Variants in THSD4 observed in about 807,000 individuals in gnomAD.
THSD4 encodes thrombospondin type 1 domain containing 4.
In THSD4, 69 loss-of-function variants were observed where a neutral mutation model predicts 119.0. The observed-to-expected ratio is 0.58, with a 90% confidence interval of 0.48 to 0.71. THSD4 has a LOEUF of 0.71. THSD4 is among the 30% of genes least tolerant of loss of function. The probability of loss-of-function intolerance (pLI) is 0.00; values close to 1 mark genes in which losing one functional copy is unlikely to be tolerated. For missense variants in THSD4, 1,393 were observed against 1,391.1 expected (o/e 1.00, Z -0.02); for synonymous variants, 524 against 540.4 (o/e 0.97, Z 0.42).
intron 8 of THSD4, among the ~76,000 whole-genome samples, chr15:71,677,875 T>G (rs1332612094): frequency 6.6e-6 from 1 of 152,216 alleles, no homozygotes; most frequent in Non-Finnish European, 1.5e-5. Context: ...ACACTTAATG[T>G]GATACTTTCC....
chr15:71,547,601 A>G (rs1043307751), intron 7 of THSD4: 2 of 1,168,010 alleles, frequency 1.7e-6, no homozygotes, highest in South Asian at 1.8e-5. Flanking sequence ...GTAATGCTTT[A>G]TATTACTTTT....
At chr15:71,336,645 G>A (rs1045177289) in intron 6 of THSD4, among the ~76,000 whole-genome samples, 1 of 152,124 alleles carries the variant, frequency 6.6e-6, no homozygotes, top group African/African-American at 2.4e-5. Flanking sequence ...TTCTGTAAGA[G>A]GTGCTTTCCA....
intron 7 of THSD4, among the ~76,000 whole-genome samples, chr15:71,555,538 T>C (rs2049003937): frequency 6.6e-6 from 1 of 152,246 alleles, no homozygotes; most frequent in African/African-American, 2.4e-5. Flanking sequence ...GCTTTGTGTA[T>C]CTTGAATATG....
chr15:71,519,362 T>C (rs574254971), intron 7 of THSD4, among the ~76,000 whole-genome samples: 1 of 152,270 alleles, frequency 6.6e-6, no homozygotes, highest in East Asian at 1.9e-4. Context: ...AATTGTTTTT[T>C]TCTTTTTCTT....
intron 10 of THSD4, among the ~76,000 whole-genome samples, chr15:71,735,315 C>T (rs1231170248): frequency 3.9e-5 from 6 of 152,164 alleles, no homozygotes; most frequent in Non-Finnish European, 8.8e-5. Context: ...CAGGCCCCCT[C>T]TCCCGCTGCA....
intron 6 of THSD4, among the ~76,000 whole-genome samples, chr15:71,272,981 A>G (rs753702962): frequency 2.6e-4 from 40 of 152,210 alleles, no homozygotes; most frequent in Non-Finnish European, 4.3e-4. Context: ...GGAAAACAGT[A>G]TGGAAGTTTC....
Position 71,463,867 on chromosome 15 carries a change from G to A in THSD4, c.1152+52044G>A, listed in dbSNP as rs552696624. Reference sequence around the variant, plus strand: ...CTCTGTACCATCCTTCTACCATCAGGATCATGTCTTTACATAATTCAAATC... The same window carrying A: ...CTCTGTACCATCCTTCTACCATCAGAATCATGTCTTTACATAATTCAAATC... On this transcript the variant is annotated intron_variant, in intron 7 of 17. Transcript: ENST00000261862. 3.9e-5 allele frequency among the ~76,000 whole-genome samples: 6 copies of A among 152,148 alleles called. No homozygotes were observed. In the South Asian group the frequency reaches 1.0e-3, roughly 26 times the overall value.
chr15:71,424,309 G>A (rs1399541509), intron 7 of THSD4, among the ~76,000 whole-genome samples: 1 of 152,144 alleles, frequency 6.6e-6, no homozygotes, highest in African/African-American at 2.4e-5. Flanking sequence ...CAAGAAGAAT[G>A]TGATGTCCTA....
chr15:71,480,370 T>G (rs1244330343), intron 7 of THSD4, among the ~76,000 whole-genome samples: 1 of 152,228 alleles, frequency 6.6e-6, no homozygotes, highest in Non-Finnish European at 1.5e-5. Context: ...ACATATCCCA[T>G]GTATATATAA....
At chr15:71,188,871 T>C (rs28542194) in intron 3 of THSD4, 26,281 of 152,478 alleles carry the variant, frequency 0.17, 2,308 homozygotes, top group Admixed American at 0.22. Context: ...CTTTCGGGAG[T>C]GAGTGACTCG....
chr15:71,601,168 G>C (rs188041057), intron 7 of THSD4, among the ~76,000 whole-genome samples: 8 of 152,294 alleles, frequency 5.3e-5, no homozygotes, highest in Admixed American at 2.6e-4. Context: ...TTTGAGTCCA[G>C]GCTCATGTGA....
chr15:71,620,744 T>C (rs1270555728), intron 7 of THSD4, among the ~76,000 whole-genome samples: 1 of 152,208 alleles, frequency 6.6e-6, no homozygotes, highest in Non-Finnish European at 1.5e-5. Flanking sequence ...ACATATCTGA[T>C]GCCATCCTTC....
chr15:71,744,315 C>A (rs189944953), intron 11 of THSD4, among the ~76,000 whole-genome samples: 1 of 152,240 alleles, frequency 6.6e-6, no homozygotes, highest in East Asian at 1.9e-4. Flanking sequence ...TCATTCAACA[C>A]GGTCATTTAT....
At chr15:71,668,305 C>T (rs1194498220) in intron 8 of THSD4, among the ~76,000 whole-genome samples, 1 of 152,098 alleles carries the variant, frequency 6.6e-6, no homozygotes, top group Non-Finnish European at 1.5e-5. Flanking sequence ...GAGCAAATAT[C>T]TTAACAGATT....
intron 7 of THSD4, among the ~76,000 whole-genome samples, chr15:71,550,184 T>C (rs1490263511): frequency 1.3e-5 from 2 of 152,242 alleles, no homozygotes; most frequent in Admixed American, 1.3e-4. Flanking sequence ...AGCTGGACTT[T>C]TGAGGCATTT....
chr15:71,354,249 C>T (rs1287742667), intron 6 of THSD4, among the ~76,000 whole-genome samples: 1 of 152,136 alleles, frequency 6.6e-6, no homozygotes, highest in African/African-American at 2.4e-5. Flanking sequence ...GAGCCATGCG[C>T]CTGCCACTGT....
chr15:71,750,022 C>T (rs779105096), intron 14 of THSD4, among the ~76,000 whole-genome samples: 15 of 152,200 alleles, frequency 9.9e-5, no homozygotes, highest in Non-Finnish European at 1.9e-4. Flanking sequence ...AGCCACTGTG[C>T]CTGGCCACAG....
At chr15:71,337,583 T>A (rs959670327) in intron 6 of THSD4, among the ~76,000 whole-genome samples, 3 of 151,924 alleles carry the variant, frequency 2.0e-5, no homozygotes, top group Non-Finnish European at 4.4e-5. Context: ...AGGGATGGGG[T>A]GAGAGAGGCT....
At chr15:71,680,665 C>T (rs1023482715) in intron 8 of THSD4, among the ~76,000 whole-genome samples, 1 of 152,202 alleles carries the variant, frequency 6.6e-6, no homozygotes, top group African/African-American at 2.4e-5. Flanking sequence ...CTGTCTCAAA[C>T]ATTTCAGTAT....
Sources: allele counts gnomAD v4.1 joint callset (sites outside exome capture counted in the v4.1 genomes callset), GRCh38; gene constraint gnomAD v4.1.1; transcripts MANE v1.5; gene names NCBI Gene and HGNC (gene_info 2026-07-23, HGNC 2026-07-21).